Variants in ANKRD50 observed in about 807,000 individuals in gnomAD.
ANKRD50 encodes the protein ankyrin repeat domain 50, also known as ankyrin repeat domain-containing protein 50.
In ANKRD50, 40 loss-of-function variants were observed where a neutral mutation model predicts 112.0. That is an observed-to-expected ratio of 0.36 (90% confidence interval 0.28 to 0.46). ANKRD50 has a LOEUF of 0.46. ANKRD50 is among the 20% of genes least tolerant of loss of function. The pLI is 1.00. For synonymous variants in ANKRD50, 613 were observed against 619.1 expected, an observed-to-expected ratio of 0.99 and a Z score of 0.15; for missense variants, 1,487 against 1,701.7, an observed-to-expected ratio of 0.87 and a Z score of 2.22.
rs1730459050 is a variant in ANKRD50 at position 124,665,179 on chromosome 4, C to A, written c.*2339G>T. The A allele has an allele frequency of 6.6e-6, 1 of 152,146 alleles. No homozygotes were observed. Among genetic ancestry groups the A allele is most frequent in the African/African-American group, 2.4e-5 (1 of 41,400 alleles). 9.4% of individuals were successfully genotyped at this position (152,146 alleles called of 1,614,324 possible). On this transcript the variant is annotated 3_prime_UTR_variant, in exon 5 of 5. Transcript: ENST00000504087. ...TAAGCAAGGCAGGGCATCTCCAGCA[C>A]CCATCCTATCATCCTTATCCTAACT... is the stretch of plus-strand genomic sequence containing the variant.
chr4:124,693,885 G>C (rs775506836), intron 2 of ANKRD50, among the ~76,000 whole-genome samples: 1 of 152,134 alleles, frequency 6.6e-6, no homozygotes, highest in African/African-American at 2.4e-5. Flanking sequence ...TAGTTGGGGA[G>C]TATATGCTGA....
chr4:124,699,832 A>C (rs1191477929), intron 2 of ANKRD50, among the ~76,000 whole-genome samples: 1 of 151,920 alleles, frequency 6.6e-6, no homozygotes, highest in Non-Finnish European at 1.5e-5. Flanking sequence ...AAGCAATAAA[A>C]ATTACCAGTG....
At chr4:124,699,392 C>T (rs1725337493) in intron 2 of ANKRD50, among the ~76,000 whole-genome samples, 1 of 152,092 alleles carries the variant, frequency 6.6e-6, no homozygotes, top group African/African-American at 2.4e-5. Context: ...GATTTCTTAT[C>T]CTCTGGGGCC....
chr4:124,705,131 C>T (rs546759244), intron 2 of ANKRD50, among the ~76,000 whole-genome samples: 100 of 151,952 alleles, frequency 6.6e-4, no homozygotes, highest in Admixed American at 1.1e-3. Flanking sequence ...AAAACTGCAA[C>T]GCAAGCTACA....
At chr4:124,686,522 G>T (rs910261329) in intron 2 of ANKRD50, among the ~76,000 whole-genome samples, 1 of 152,086 alleles carries the variant, frequency 6.6e-6, no homozygotes, top group African/African-American at 2.4e-5. Context: ...TCTCCCATAT[G>T]ACCCCTATGG....
At chr4:124,695,217 G>A (rs1313643298) in intron 2 of ANKRD50, among the ~76,000 whole-genome samples, 1 of 152,126 alleles carries the variant, frequency 6.6e-6, no homozygotes, top group Non-Finnish European at 1.5e-5. Flanking sequence ...ATATGAGAGG[G>A]CTTGTTGAAG....
Position 124,670,778 on chromosome 4 carries a change from T to G in ANKRD50, c.2499A>C (p.Leu833=), listed in dbSNP as rs138736984. The G allele has an allele frequency of 8.4e-5, 135 of 1,613,890 alleles. No individual in the cohort carries two copies. The African/African-American group carries it at 1.6e-3, about 19-fold the overall frequency. ...GATTTTCATCTAACCCTCTATCCAG[T>G]AGAGTACGTACCACCTCAACATTTC... The part of the protein sequence containing the change: ...AQGNVEVVRT[L]LDRGLDENHR... The change falls in exon 4 of 5, where the codon CTA becomes CTC. Residue 833 remains leucine (L), a synonymous_variant. Transcript: ENST00000504087.
chr4:124,670,129 A>G lies in ANKRD50; in HGVS notation c.3148T>C (p.Cys1050Arg). The G allele has an allele frequency of 1.9e-6, 3 of 1,613,080 alleles. No homozygotes were observed. Among genetic ancestry groups the G allele is most frequent in the Non-Finnish European group, 1.7e-6 (2 of 1,179,648 alleles). ...HTCNQGATAL[C>R]IAAQEGHIDV... ...ATGTGCCCTTCCTGGGCTGCAATAC[A>G]GAGTGCAGTTGCACCTTGGTTACAT... Residue 1050 changes from cysteine (C) to arginine (R), a missense_variant, in exon 4 of 5, where the codon TGT (cysteine) becomes CGT (arginine). Coordinates refer to ENST00000504087, the MANE Select transcript of ANKRD50 (RefSeq NM_020337.3).
chr4:124,701,571 G>T (rs1213746904), intron 2 of ANKRD50, among the ~76,000 whole-genome samples: 1 of 152,102 alleles, frequency 6.6e-6, no homozygotes, highest in Non-Finnish European at 1.5e-5. Flanking sequence ...TCGAGATTAG[G>T]TTAGCATAAT....
chr4:124,699,929 CT>C (rs775149289), intron 2 of ANKRD50, among the ~76,000 whole-genome samples: 3 of 152,010 alleles, frequency 2.0e-5, no homozygotes, highest in Non-Finnish European at 4.4e-5. Flanking sequence ...ATTATAAGCC[CT>C]GGATACAAAG....
At position 124,671,222 on chromosome 4, in the gene ANKRD50, T is replaced by G. The variant is rs752926046; in HGVS notation, c.2055A>C (p.Ala685=). 2.4e-5 allele frequency: 39 copies of G among 1,613,808 alleles called. No homozygotes were observed. Among genetic ancestry groups the G allele is most frequent in the Non-Finnish European group, 3.0e-5 (35 of 1,179,870 alleles). Residue 685 remains alanine, a synonymous_variant, in exon 4 of 5, where the codon GCA becomes GCC. Coordinates refer to ENST00000504087, the MANE Select transcript of ANKRD50 (RefSeq NM_020337.3). ...NEGRTALIAA[A]YMGHREIVEH... is the part of the protein sequence containing the mutation. Reference sequence around the variant, plus strand: ...CCACAATCTCTCTATGTCCCATGTATGCTGCTGCTATCAAAGCAGTTCTAC... The same window carrying G: ...CCACAATCTCTCTATGTCCCATGTAGGCTGCTGCTATCAAAGCAGTTCTAC...
Position 124,671,894 on chromosome 4 carries a change from G to A in ANKRD50, c.1383C>T (p.Asn461=). 1 of 1,613,846 alleles carries A rather than the reference G, an allele frequency of 6.2e-7. No homozygotes were observed. The highest frequency in any genetic ancestry group is 1.1e-5 in the South Asian group (1 of 91,078). Residue 461 remains asparagine, a synonymous_variant, in exon 4 of 5, where the codon AAC becomes AAT. Transcript: ENST00000504087. ...EAQEFALHLI[N]SNLQLETAEL... is the part of the protein sequence containing the mutation. ...CCGCTGTCTCTAATTGTAAGTTTGAGTTAATTAAGTGCAATGCAAATTCTT... is the reference window on the plus strand; with the variant it reads ...CCGCTGTCTCTAATTGTAAGTTTGAATTAATTAAGTGCAATGCAAATTCTT...
At chr4:124,678,627 GTTCA>G (rs1560822133) in intron 3 of ANKRD50, 45 bp downstream of exon 3, 3 of 1,521,478 alleles carry the variant, frequency 2.0e-6, no homozygotes, top group Non-Finnish European at 2.7e-6. Flanking sequence ...TAAGAAACTA[GTTCA>G]TTAATGAAAA....
intron 2 of ANKRD50, among the ~76,000 whole-genome samples, chr4:124,693,667 T>G (rs889829989): frequency 1.3e-5 from 2 of 152,166 alleles, no homozygotes; most frequent in African/African-American, 4.8e-5. Flanking sequence ...TTTTCCTACA[T>G]TTATTACCAG....
At position 124,665,450 on chromosome 4, in the gene ANKRD50, C is replaced by A. The variant is rs565495185; in HGVS notation, c.*2068G>T. The stretch of plus-strand genomic sequence containing the variant: ...CAATAAAATTAAATAAATACAATTT[C>A]AATAATTCAAAGTTAATAGAAAAAC... On this transcript the variant is annotated 3_prime_UTR_variant, in exon 5 of 5. Transcript: ENST00000504087. 6.6e-6 allele frequency: 1 copy of A among 152,328 alleles called. No individual in the cohort carries two copies. The highest frequency in any genetic ancestry group is 2.4e-5 in the African/African-American group (1 of 41,452). 9.4% of individuals were successfully genotyped at this position (152,328 alleles called of 1,614,324 possible).
intron 2 of ANKRD50, among the ~76,000 whole-genome samples, chr4:124,698,574 G>C (rs549077891): frequency 6.6e-6 from 1 of 151,978 alleles, no homozygotes; most frequent in Non-Finnish European, 1.5e-5. Context: ...GTGTGGTATG[G>C]GGACCCTGGA....
Position 124,710,090 on chromosome 4 carries a change from T to G in ANKRD50, c.422A>C (p.Gln141Pro). The G allele has an allele frequency of 6.2e-7, 1 of 1,614,184 alleles. No individual in the cohort carries two copies. The highest frequency in any genetic ancestry group is 8.5e-7 in the Non-Finnish European group (1 of 1,180,036). The change falls in exon 2 of 5, where the codon CAA becomes CCA. Residue 141 changes from glutamine (Q) to proline (P), a missense_variant. This residue lies in a region of ANKRD50 where 1,046 missense variants were observed against 1,269.5 expected (regional missense o/e 0.82). Transcript: ENST00000504087. Reference protein sequence around the residue: ...VAQICRSGLLQGYEDKLRDPA... With the variant: ...VAQICRSGLLPGYEDKLRDPA... ...ATCCCTTAGCTTGTCCTCATATCCT[T>G]GGAGTAGTCCACTGCGGCAGATCTG...
At position 124,669,891 on chromosome 4, in the gene ANKRD50, T is replaced by A; in HGVS notation, c.3386A>T (p.Gln1129Leu). 1 of 1,613,492 alleles carries A rather than the reference T, an allele frequency of 6.2e-7. No individual in the cohort carries two copies. ...GCTATTTGATTTAATTGTTAATGAC[T>A]GCACTTTTGAAGACAATGACTGTAG... The part of the protein sequence containing the change: ...KPLQSLSSKV[Q>L]SLTIKSNSSG... The change falls in exon 4 of 5, where the codon CAG (glutamine) becomes CTG (leucine). Residue 1129 changes from glutamine to leucine, a missense_variant. This residue lies in a region of ANKRD50 where 441 missense variants were observed against 432.2 expected (regional missense o/e 1.02). Transcript: ENST00000504087.
At chr4:124,686,384 C>T (rs1360020924) in intron 2 of ANKRD50, among the ~76,000 whole-genome samples, 1 of 152,090 alleles carries the variant, frequency 6.6e-6, no homozygotes, top group African/African-American at 2.4e-5. Flanking sequence ...CCCCTGGGGC[C>T]ACTGATAAAG....
Sources: gnomAD v4.1 joint callset for allele counts (sites outside exome capture counted in the v4.1 genomes callset) on GRCh38, gnomAD v4.1.1 for gene constraint, gnomAD v4.1.1 regional missense constraint, MANE v1.5 for transcripts, NCBI Gene and HGNC (gene_info 2026-07-23, HGNC 2026-07-21) for gene names.